Variants in TMED1 observed in about 807,000 individuals in gnomAD.
TMED1 encodes transmembrane emp24 domain-containing protein 1.
In TMED1, 20 loss-of-function variants were observed where a neutral mutation model predicts 21.2. That is an observed-to-expected ratio of 0.95 (90% CI 0.67 to 1.37). TMED1 has a LOEUF of 1.37. Ranked by LOEUF, TMED1 falls within the 40% of genes most tolerant of loss-of-function variation. TMED1 has a pLI of 0.00. For synonymous variants in TMED1, 149 were observed against 134.7 expected, an observed-to-expected ratio of 1.11 and a Z score of -0.74; for missense variants, 316 against 309.8, an observed-to-expected ratio of 1.02 and a Z score of -0.15.
In TMED1 at chr19:10,836,164, G is replaced by C; in HGVS notation, c.28C>G (p.Leu10Val). ...GGTGGCATTAGTAGCCACAAGGCCA[G>C]GGCTAGGGCCGCGCCGGCCGCCATC... Reference protein sequence around the residue: MMAAGAALALALWLLMPPVE... With the variant: MMAAGAALAVALWLLMPPVE... Residue 10 changes from leucine to valine, a missense_variant, in exon 1 of 4, where the codon CTG (leucine) becomes GTG (valine). Transcript: ENST00000214869. The C allele has an allele frequency of 2.6e-6, 4 of 1,558,764 alleles. No homozygotes were observed. The highest frequency in any genetic ancestry group is 1.2e-5 in the South Asian group (1 of 85,164).
intron 3 of TMED1, 66 bp downstream of exon 3, chr19:10,834,868 A>C (rs1352305348): frequency 6.4e-7 from 1 of 1,562,086 alleles, no homozygotes. Context: ...GGGTCAGCCC[A>C]AGGGGGGCAC....
Position 10,832,326 on chromosome 19 carries a change from G to A in TMED1, c.*669C>T, listed in dbSNP as rs756184826. The A allele has an allele frequency of 3.6e-5, 47 of 1,289,656 alleles. No individual in the cohort carries two copies. The highest frequency in any genetic ancestry group is 6.1e-5 in the African/African-American group (4 of 65,854). The allele number at this position is 1,289,656 out of a possible 1,614,324, so 79.9% of individuals were successfully genotyped here. A position where few individuals can be genotyped will look rare whatever the true frequency, so the allele number is the denominator to read the frequency against. ...CAGGCGACCACCTCCATCGGCTCCC[G>A]CACGACCTTTCTTCTGAGCTTCGTG... On this transcript the variant is annotated 3_prime_UTR_variant, in exon 4 of 4. Transcript: ENST00000214869.
intron 1 of TMED1, 99 bp downstream of exon 1, chr19:10,835,909 CG>C: frequency 6.9e-7 from 1 of 1,453,090 alleles, no homozygotes. Flanking sequence ...CTCCCAAGCA[CG>C]GATTCCTCCC....
In TMED1 at chr19:10,832,671, A is replaced by G. The variant is rs2073372265; in HGVS notation, c.*324T>C. On this transcript the variant is annotated 3_prime_UTR_variant, in exon 4 of 4. Coordinates refer to ENST00000214869, the MANE Select transcript of TMED1 (RefSeq NM_006858.4). ...TGTTAGGCCCTGCCCCGCACCAGGC[A>G]ACGCTAACACAGGATGGGAGGCTTA... 1 of 582,054 alleles carries G rather than the reference A, an allele frequency of 1.7e-6. No homozygotes were observed. Among genetic ancestry groups the G allele is most frequent in the East Asian group, 2.9e-5 (1 of 34,924 alleles). The allele number at this position is 582,054 out of a possible 1,614,324, so 36.1% of individuals were successfully genotyped here. A position where few individuals can be genotyped will look rare whatever the true frequency, so the allele number is the denominator to read the frequency against.
At chr19:10,833,250 T>TC in intron 3 of TMED1, 37 bp from the exon 4 acceptor site, 2 of 1,563,494 alleles carry the variant, frequency 1.3e-6, no homozygotes, top group Non-Finnish European at 1.7e-6. Context: ...CAGGCCTCCC[T>TC]CCACCCATCA....
intron 1 of TMED1, 91 bp from the exon 2 acceptor site, chr19:10,835,444 C>T (rs780571143): frequency 3.2e-6 from 5 of 1,567,578 alleles, no homozygotes; most frequent in Non-Finnish European, 4.3e-6. Context: ...CTGATCAATA[C>T]AGACCACCAA....
chr19:10,835,592 T>A, intron 1 of TMED1: 1 of 1,416,008 alleles, frequency 7.1e-7, no homozygotes, highest in Non-Finnish European at 9.2e-7. Context: ...AAGTACTTAA[T>A]GGACGTTTAC....
intron 3 of TMED1, among the ~76,000 whole-genome samples, chr19:10,833,664 T>C (rs2073390222): frequency 6.6e-6 from 1 of 151,826 alleles, no homozygotes; most frequent in African/African-American, 2.4e-5. Context: ...TGAAGCAAGA[T>C]TACACCTGTA....
chr19:10,835,773 TA>T, intron 1 of TMED1: 1 of 1,417,508 alleles, frequency 7.1e-7, no homozygotes. Context: ...TCCCTATACT[TA>T]TCGATGGCCC....
In TMED1 at chr19:10,832,373, G is replaced by A. The variant is rs1221536875; in HGVS notation, c.*622C>T. ...CGTGGGAGGCCCCTCCCACCTGTCTGGCTGCCCCCTCGGGGGCCGGTCTGT... is the reference window on the plus strand; with the variant it reads ...CGTGGGAGGCCCCTCCCACCTGTCTAGCTGCCCCCTCGGGGGCCGGTCTGT... On this transcript the variant is annotated 3_prime_UTR_variant, in exon 4 of 4. Transcript: ENST00000214869. 2 of 1,289,976 alleles carry A rather than the reference G, an allele frequency of 1.6e-6. No individual in the cohort carries two copies. Among genetic ancestry groups the A allele is most frequent in the Non-Finnish European group, 2.0e-6 (2 of 989,008 alleles). The allele number at this position is 1,289,976 out of a possible 1,614,324, so 79.9% of individuals were successfully genotyped here.
In TMED1 at chr19:10,834,952, A is replaced by G. The variant is rs1377131793; in HGVS notation, c.447T>C (p.Val149=). Residue 149 remains valine (V), a synonymous_variant, in exon 3 of 4, where the codon GTT becomes GTC. Transcript: ENST00000214869. The part of the protein sequence containing the change: ...EAVEPEEMLD[V]KMEDIKESIE... ...GACACACCTTGATGTCCTCCATTTTAACATCCAGCATCTCCTCGGGCTCCA... is the reference window on the plus strand; with the variant it reads ...GACACACCTTGATGTCCTCCATTTTGACATCCAGCATCTCCTCGGGCTCCA... 2 of 1,613,978 alleles carry G rather than the reference A, an allele frequency of 1.2e-6. No individual in the cohort carries two copies. Among genetic ancestry groups the G allele is most frequent in the South Asian group, 2.2e-5 (2 of 91,080 alleles).
intron 3 of TMED1, among the ~76,000 whole-genome samples, chr19:10,833,757 C>CA (rs2073391458): frequency 2.0e-5 from 3 of 151,520 alleles, no homozygotes. Flanking sequence ...CTACAGAAAA[C>CA]AAAAAATTAG....
chr19:10,833,249 C>G, intron 3 of TMED1, 36 bp from the exon 4 acceptor site: 1 of 1,570,992 alleles, frequency 6.4e-7, no homozygotes, highest in Non-Finnish European at 8.7e-7. Flanking sequence ...TCAGGCCTCC[C>G]TCCACCCATC....
intron 1 of TMED1, chr19:10,835,740 C>T (rs73007599): frequency 0.17 from 236,350 of 1,410,496 alleles, 20,279 homozygotes; most frequent in Middle Eastern, 0.22. Context: ...GCCCACCAGC[C>T]AGAGTCCTGT....
intron 1 of TMED1, chr19:10,835,630 T>A (rs1454638453): frequency 1.4e-6 from 2 of 1,408,090 alleles, no homozygotes; most frequent in Non-Finnish European, 1.8e-6. Flanking sequence ...TGGCTCCGCC[T>A]CCGAAAGAGG....
chr19:10,834,809 C>G, intron 3 of TMED1, 125 bp downstream of exon 3: 1 of 1,145,608 alleles, frequency 8.7e-7, no homozygotes, highest in Non-Finnish European at 1.2e-6. Context: ...TTAAGAGCTG[C>G]TACTCTTACT....
In TMED1 at chr19:10,833,449, G is replaced by A. The variant is rs137914136; in HGVS notation, c.466-236C>T. 365 of 577,960 alleles carry A rather than the reference G, an allele frequency of 6.3e-4. 3 individuals carry two copies. The African/African-American group carries it at 6.3e-3, about 10-fold the overall frequency. 35.8% of individuals were successfully genotyped at this position (577,960 alleles called of 1,614,324 possible). On this transcript the variant is annotated intron_variant, in intron 3 of 3. Coordinates refer to ENST00000214869, the MANE Select transcript of TMED1 (RefSeq NM_006858.4). ...CTCTTCTATAAGCTTCCAAATTGCT[G>A]TGAACATTTAATGCCTAAATAAATG...
In TMED1 at chr19:10,832,165, C is replaced by A; in HGVS notation, c.*830G>T. 1 of 703,358 alleles carries A rather than the reference C, an allele frequency of 1.4e-6. No individual in the cohort carries two copies. Among genetic ancestry groups the A allele is most frequent in the Non-Finnish European group, 2.2e-6 (1 of 464,774 alleles). The allele number at this position is 703,358 out of a possible 1,614,324, so 43.6% of individuals were successfully genotyped here. Reference sequence around the variant, plus strand: ...CCACGTGCACAGGCCTGGCTGCTGCCTGGTGAAGCGGGGACCCCAGCGCTC... The same window carrying A: ...CCACGTGCACAGGCCTGGCTGCTGCATGGTGAAGCGGGGACCCCAGCGCTC... On this transcript the variant is annotated 3_prime_UTR_variant, in exon 4 of 4. Transcript: ENST00000214869.
At chr19:10,833,254 C>T (rs2073382750) in intron 3 of TMED1, 41 bp from the exon 4 acceptor site, 1 of 1,551,018 alleles carries the variant, frequency 6.4e-7, no homozygotes, top group East Asian at 2.3e-5. Flanking sequence ...CCTCCCTCCA[C>T]CCATCAGGGA....
Sources: gnomAD v4.1 joint callset for allele counts (sites outside exome capture counted in the v4.1 genomes callset) on GRCh38, gnomAD v4.1.1 for gene constraint, MANE v1.5 for transcripts, NCBI Gene and HGNC (gene_info 2026-07-23, HGNC 2026-07-21) for gene names.